MTRR: variants seen among roughly 807,000 people sequenced by gnomAD.
The protein encoded by MTRR is methionine synthase reductase.
A neutral mutation model predicts 79.2 loss-of-function variants in MTRR; 63 were observed. The ratio of observed to expected loss-of-function variants is 0.80; its 90% CI spans 0.65 to 0.98. The LOEUF (loss-of-function observed/expected upper bound fraction) is 0.98, where lower values mean the gene tolerates loss of function less well. Ranked by LOEUF, MTRR falls within the 50% of genes least tolerant of loss-of-function variation. The probability of loss-of-function intolerance (pLI) is 0.00; values close to 1 mark genes in which losing one functional copy is unlikely to be tolerated. For synonymous variants in MTRR, 355 were observed against 313.3 expected, an observed-to-expected ratio of 1.13 and a Z score of -1.41; for missense variants, 895 against 839.6, an observed-to-expected ratio of 1.07 and a Z score of -0.82.
chr5:7,888,763 CTAT>C (rs1468122110), intron 8 of MTRR, among the ~76,000 whole-genome samples: 3 of 152,146 alleles, frequency 2.0e-5, no homozygotes, highest in African/African-American at 4.8e-5. Flanking sequence ...GAGAAATAAG[CTAT>C]GTCTGCCTGT....
At chr5:7,861,578 T>G in intron 1 of MTRR, 1 of 1,575,668 alleles carries the variant, frequency 6.3e-7, no homozygotes, top group East Asian at 2.3e-5. Context: ...AACATTTTCC[T>G]GTACCTTTTA....
At chr5:7,873,657 T>TGTATATGTATACATAC in intron 3 of MTRR, 131 bp downstream of exon 3, 3 of 1,030,664 alleles carry the variant, frequency 2.9e-6, no homozygotes, top group South Asian at 2.9e-5. Flanking sequence ...TGTATATGTA[T>TGTATATGTATACATAC]ATATAAATGT....
chr5:7,892,329 A>T (rs1428940586), intron 10 of MTRR, among the ~76,000 whole-genome samples: 1 of 152,218 alleles, frequency 6.6e-6, no homozygotes, highest in South Asian at 2.1e-4. Flanking sequence ...CTGGGTGTAT[A>T]CTTCAGTCAC....
rs556611332 is a variant in MTRR, at chr5:7,878,005, A to C, written c.463A>C (p.Arg155=). Residue 155 remains arginine (R), a synonymous_variant, in exon 5 of 15, where the codon AGG becomes CGG. Transcript: ENST00000440940. ...CTGGCCAGCCCTCAGAAAGCATTTT[A>C]GGTCAAGCAGAGGACAAGAGGAGAT... The part of the protein sequence containing the change: ...GLWPALRKHF[R]SSRGQEEISG... 1.7e-4 allele frequency: 271 copies of C among 1,613,754 alleles called. 2 individuals carry two copies. The Admixed American group carries it at 4.4e-3, about 26-fold the overall frequency.
intron 1 of MTRR, among the ~76,000 whole-genome samples, chr5:7,855,334 A>T (rs1746209333): frequency 6.6e-6 from 1 of 152,166 alleles, no homozygotes; most frequent in African/African-American, 2.4e-5. Context: ...AAAAAAAGAA[A>T]AAAAGCTTAT....
chr5:7,896,520 C>T (rs1247318818), intron 12 of MTRR: 1 of 346,998 alleles, frequency 2.9e-6, no homozygotes, highest in Non-Finnish European at 5.4e-6. Context: ...TTTAACAGCC[C>T]TGAGCCACTT....
chr5:7,900,468 G>A lies in MTRR; in HGVS notation c.*410G>A, dbSNP rs1179144791. 4.8e-6 allele frequency: 1 copy of A among 208,896 alleles called. No individual in the cohort carries two copies. Among genetic ancestry groups the A allele is most frequent in the African/African-American group, 2.3e-5 (1 of 42,674 alleles). The allele number at this position is 208,896 out of a possible 1,614,324, so 12.9% of individuals were successfully genotyped here. On this transcript the variant is annotated 3_prime_UTR_variant, in exon 15 of 15. Transcript: ENST00000440940. ...CCAACATTTAAAAAAGTATGAAAAT[G>A]ATTTATTTTTATATGATGTATACCC...
intron 9 of MTRR, 109 bp downstream of exon 9, chr5:7,889,384 T>G: frequency 3.5e-6 from 4 of 1,155,610 alleles, no homozygotes; most frequent in Non-Finnish European, 3.8e-6. Flanking sequence ...CTTTGTATCC[T>G]ATGCCTAAAG....
Position 7,889,211 on chromosome 5 carries a change from T to A in MTRR, c.1263T>A (p.Cys421Ter), listed in dbSNP as rs1283581615. The A allele has an allele frequency of 6.2e-7, 1 of 1,613,764 alleles. No individual in the cohort carries two copies. Among genetic ancestry groups the A allele is most frequent in the Non-Finnish European group, 8.5e-7 (1 of 1,180,026 alleles). Residue 421 changes from cysteine (C) to a stop codon, truncating the protein, a stop_gained, in exon 9 of 15, where the codon TGT becomes TGA. Transcript: ENST00000440940. LOFTEE classifies it high-confidence loss of function. ...ATAGCCGCTTTGTACGAGATGCCTG[T>A]GCCTGCTTGTTGGATCTCCTCCTCG... ...ADYSRFVRDA[C>*]ACLLDLLLAF...
rs771852321 is a variant in MTRR at position 7,897,133 on chromosome 5, C to T, written c.1838C>T (p.Ala613Val). The change falls in exon 14 of 15, where the codon GCT (alanine) becomes GTT (valine). Residue 613 changes from alanine (A) to valine (V), a missense_variant. Ala to Val is a moderately conservative substitution (Grantham distance 64). Transcript: ENST00000440940. ...CTAAAGGTTTCCTTCTCAAGAGATG[C>T]TCCTGTTGGGGAGGAGGAAGCCCCA... Reference protein sequence around the residue: ...THLKVSFSRDAPVGEEEAPAK... With the variant: ...THLKVSFSRDVPVGEEEAPAK... 16 of 1,614,034 alleles carry T rather than the reference C, an allele frequency of 9.9e-6. No homozygotes were observed. The highest frequency in any genetic ancestry group is 1.4e-5 in the Non-Finnish European group (16 of 1,180,028).
rs1746516015 is a variant in MTRR at position 7,861,356 on chromosome 5, G to C, written n.392-595G>C. Reference sequence around the variant, plus strand: ...AGTTGCCAAAGTTTATTTGGGATTTGGCTATTACTATGTGCCAATATTATT... The same window carrying C: ...AGTTGCCAAAGTTTATTTGGGATTTCGCTATTACTATGTGCCAATATTATT... On this transcript the variant is annotated intron_variant and non_coding_transcript_variant, in intron 1 of 3. Coordinates refer to the MTRR transcript ENST00000502509. The C allele has an allele frequency of 5.7e-6, 4 of 704,322 alleles. No individual in the cohort carries two copies. In the South Asian group the frequency reaches 1.4e-4, roughly 24 times the overall value. The allele number at this position is 704,322 out of a possible 1,614,324, so 43.6% of individuals were successfully genotyped here. A position where few individuals can be genotyped will look rare whatever the true frequency, so the allele number is the denominator to read the frequency against.
At chr5:7,870,984 G>C (rs1747878059) in intron 2 of MTRR, 61 bp downstream of exon 2, 1 of 1,601,620 alleles carries the variant, frequency 6.2e-7, no homozygotes, top group Admixed American at 1.7e-5. Context: ...GTTGGGAAGT[G>C]ATATTTATGA....
chr5:7,870,181 A>G (rs1240499394), intron 1 of MTRR: 1 of 551,476 alleles, frequency 1.8e-6, no homozygotes, highest in Non-Finnish European at 2.3e-6. Context: ...ATACACTCAC[A>G]TATTTTTGAT....
At position 7,900,310 on chromosome 5, in the gene MTRR, C is replaced by G. The variant is rs753509594; in HGVS notation, c.*252C>G. The G allele has an allele frequency of 1.0e-5, 5 of 478,688 alleles. No individual in the cohort carries two copies. The highest frequency in any genetic ancestry group is 3.9e-5 in the African/African-American group (2 of 51,198). 29.7% of individuals were successfully genotyped at this position (478,688 alleles called of 1,614,324 possible). A position where few individuals can be genotyped will look rare whatever the true frequency, so the allele number is the denominator to read the frequency against. ...CCCTGTTGCCTTGAGCTCTTCTGAG[C>G]TAAGGCAGCCTTCAGTCCCTATCAG... On this transcript the variant is annotated 3_prime_UTR_variant, in exon 15 of 15. Coordinates refer to ENST00000440940, the MANE Select transcript of MTRR (RefSeq NM_002454.3).
At chr5:7,857,966 T>G (rs1746300785) in intron 1 of MTRR, among the ~76,000 whole-genome samples, 1 of 152,224 alleles carries the variant, frequency 6.6e-6, no homozygotes, top group Non-Finnish European at 1.5e-5. Context: ...TCGTGCTGTA[T>G]TTTTCTTCAT....
chr5:7,875,013 C>T (rs568378785), intron 3 of MTRR: 1 of 485,102 alleles, frequency 2.1e-6, no homozygotes, highest in African/African-American at 1.9e-5. Flanking sequence ...AATGTGAAGT[C>T]TTTTCTTTCA....
intron 11 of MTRR, 166 bp downstream of exon 11, chr5:7,893,079 A>G: frequency 2.6e-6 from 2 of 759,020 alleles, no homozygotes; most frequent in Non-Finnish European, 4.3e-6. Context: ...GTTTACTTCC[A>G]TGTACTCTTT....
intron 6 of MTRR, among the ~76,000 whole-genome samples, chr5:7,884,932 T>C (rs1433647032): frequency 1.3e-5 from 2 of 152,238 alleles, no homozygotes; most frequent in Non-Finnish European, 2.9e-5. Flanking sequence ...ATATTAATAC[T>C]ATGTACACCA....
intron 12 of MTRR, 21 bp from the exon 13 acceptor site, chr5:7,896,843 A>G (rs754170732): frequency 3.2e-5 from 50 of 1,573,442 alleles, no homozygotes; most frequent in African/African-American, 1.9e-4. Context: ...ACACACCTAA[A>G]CTTTTTTTTT....
Sources: gnomAD v4.1 joint callset for allele counts (sites outside exome capture counted in the v4.1 genomes callset) on GRCh38, gnomAD v4.1.1 for gene constraint, MANE v1.5 for transcripts, NCBI Gene and HGNC (gene_info 2026-07-23, HGNC 2026-07-21) for gene names.